AP2A2: variants seen among roughly 807,000 people sequenced by gnomAD.
AP2A2 encodes the protein AP-2 complex subunit alpha-2.
AP2A2 carries 32 observed loss-of-function variants against 104.2 expected under a neutral mutation model. The observed-to-expected ratio is 0.31, with a 90% CI of 0.23 to 0.41. AP2A2 has a LOEUF of 0.41. Ranked by LOEUF, AP2A2 falls within the 10% of genes least tolerant of loss-of-function variation. The probability of loss-of-function intolerance (pLI) is 1.00; values close to 1 mark genes in which losing one functional copy is unlikely to be tolerated. For missense variants in AP2A2, 912 were observed against 1,261.0 expected (o/e 0.72, Z 4.19); for synonymous variants, 539 against 533.3 (o/e 1.01, Z -0.15).
At chr11:985,113 A>T (rs1385362512) in intron 7 of AP2A2, among the ~76,000 whole-genome samples, 1 of 152,094 alleles carries the variant, frequency 6.6e-6, no homozygotes, top group Non-Finnish European at 1.5e-5. Context: ...CTTCCTGAGT[A>T]GCTGGGATTA....
At chr11:1,008,664 G>C (rs7395387) in intron 18 of AP2A2, 106,979 of 215,110 alleles carry the variant, frequency 0.5, 28,049 homozygotes, top group Admixed American at 0.64. Context: ...CTGGGTGTCT[G>C]CAAGGTTAGG....
rs574176028 is a variant in AP2A2 at position 941,625 on chromosome 11, T to C, written c.67+15537T>C. Among the ~76,000 whole-genome samples the C allele has an allele frequency of 1.2e-4, 18 of 151,962 alleles. 1 individual carries two copies. The East Asian group carries it at 3.5e-3, about 30-fold the overall frequency. Reference sequence around the variant, plus strand: ...TTTTTTGAGATGGAGTCTCACTCTGTTGCCCAGGCTGGAGTGCAGTGGCGT... The same window carrying C: ...TTTTTTGAGATGGAGTCTCACTCTGCTGCCCAGGCTGGAGTGCAGTGGCGT... On this transcript the variant is annotated intron_variant, in intron 1 of 21. Transcript: ENST00000448903.
At chr11:983,243 C>G (rs551292074) in intron 6 of AP2A2, among the ~76,000 whole-genome samples, 5 of 151,760 alleles carry the variant, frequency 3.3e-5, no homozygotes, top group Admixed American at 2.0e-4. Context: ...TGGTTGCGAA[C>G]TCCCGACCTC....
chr11:973,120 C>T (rs548228613), intron 4 of AP2A2, among the ~76,000 whole-genome samples: 1 of 152,350 alleles, frequency 6.6e-6, no homozygotes, highest in South Asian at 2.1e-4. Flanking sequence ...TGAGCTAGGC[C>T]TCAGGCCACG....
intron 14 of AP2A2, among the ~76,000 whole-genome samples, chr11:999,795 AGTTC>A (rs1336432376): frequency 9.6e-5 from 13 of 135,192 alleles, no homozygotes; most frequent in Non-Finnish European, 1.3e-4. Flanking sequence ...GCATGATCTT[AGTTC>A]TTTCTTTTTT....
chr11:1,004,993 C>T (rs1211463590), intron 16 of AP2A2, among the ~76,000 whole-genome samples: 4 of 152,108 alleles, frequency 2.6e-5, no homozygotes, highest in African/African-American at 4.8e-5. Flanking sequence ...GTACAGACCC[C>T]AGAGAATTGA....
intron 13 of AP2A2, 41 bp downstream of exon 13, chr11:994,026 T>C: frequency 3.7e-6 from 6 of 1,609,324 alleles, no homozygotes. Context: ...GGCTGAGGGT[T>C]GGAGGCCAGG....
At position 959,565 on chromosome 11, in the gene AP2A2, C is replaced by T. The variant is rs143918060; in HGVS notation, c.136+60C>T. On this transcript the variant is annotated intron_variant, in intron 2 of 21. Coordinates refer to ENST00000448903, the MANE Select transcript of AP2A2 (RefSeq NM_012305.4). ...GTTGTAAATTTTCTGTAGTAAGAAC[C>T]CAGTCTTTTAATACTGTCTTCTTTT... 8.7e-6 allele frequency: 10 copies of T among 1,153,734 alleles called. No homozygotes were observed. The East Asian group carries it at 2.1e-4, about 25-fold the overall frequency. 71.5% of individuals were successfully genotyped at this position (1,153,734 alleles called of 1,614,324 possible).
chr11:986,675 C>G (rs757362527), intron 8 of AP2A2, 110 bp from the exon 9 acceptor site: 2 of 1,323,754 alleles, frequency 1.5e-6, no homozygotes, highest in Non-Finnish European at 2.1e-6. Flanking sequence ...GCGGTGAGTG[C>G]CGTGTGACTT....
intron 1 of AP2A2, among the ~76,000 whole-genome samples, chr11:958,943 A>G (rs1470815429): frequency 6.6e-6 from 1 of 152,256 alleles, no homozygotes; most frequent in African/African-American, 2.4e-5. Flanking sequence ...TTGCGACTGC[A>G]GTTGATCGAG....
chr11:1,000,548 G>T lies in AP2A2; in HGVS notation c.2073G>T (p.Ser691=). 1.3e-6 allele frequency: 2 copies of T among 1,550,046 alleles called. No individual in the cohort carries two copies. The highest frequency in any genetic ancestry group is 4.8e-5 in the East Asian group (2 of 41,924). The change falls in exon 15 of 22, where the codon TCG becomes TCT. Residue 691 remains serine, a synonymous_variant. Transcript: ENST00000448903. ...TGCTCGTGGACGTGTTCTCAGACTCGGCCTCTGTGGTCGCGCCTCTCGCTC... is the reference window on the plus strand; with the variant it reads ...TGCTCGTGGACGTGTTCTCAGACTCTGCCTCTGTGGTCGCGCCTCTCGCTC... ...SGLLVDVFSD[S]ASVVAPLAPG... is the part of the protein sequence containing the mutation.
At chr11:975,693 C>T (rs1276887155) in intron 4 of AP2A2, among the ~76,000 whole-genome samples, 2 of 151,070 alleles carry the variant, frequency 1.3e-5, no homozygotes. Flanking sequence ...GTGGGGTCCT[C>T]GGTCTCCCTC....
intron 14 of AP2A2, among the ~76,000 whole-genome samples, chr11:995,823 A>C (rs551041093): frequency 2.4e-5 from 1 of 42,230 alleles, no homozygotes; most frequent in Non-Finnish European, 4.9e-5. Flanking sequence ...TGTTTGTGGC[A>C]CGCTGCTGTG....
intron 1 of AP2A2, among the ~76,000 whole-genome samples, chr11:926,973 T>C (rs1364682507): frequency 6.6e-6 from 1 of 152,236 alleles, no homozygotes; most frequent in East Asian, 1.9e-4. Flanking sequence ...AGAGGCCATC[T>C]CCTTATTTAA....
In AP2A2 at chr11:926,109, G is replaced by A. The variant is rs1488427864; in HGVS notation, c.67+21G>A. ...CAACTGTGAGTGGCGGGGGCGGCGTGGGGCCGGGGCCGGGGCCGCCGGCGG... is the reference window on the plus strand; with the variant it reads ...CAACTGTGAGTGGCGGGGGCGGCGTAGGGCCGGGGCCGGGGCCGCCGGCGG... On this transcript the variant is annotated intron_variant, in intron 1 of 21. Transcript: ENST00000448903. The A allele has an allele frequency of 2.4e-6, 3 of 1,256,444 alleles. No individual in the cohort carries two copies. In the Admixed American group the frequency reaches 1.2e-4, roughly 52 times the overall value. The allele number at this position is 1,256,444 out of a possible 1,614,324, so 77.8% of individuals were successfully genotyped here. A position where few individuals can be genotyped will look rare whatever the true frequency, so the allele number is the denominator to read the frequency against.
intron 18 of AP2A2, 122 bp downstream of exon 18, chr11:1,008,257 G>T: frequency 7.4e-7 from 1 of 1,345,716 alleles, no homozygotes; most frequent in Non-Finnish European, 9.8e-7. Flanking sequence ...GGTGCTCACG[G>T]TGCATGGATG....
chr11:981,311 C>T lies in AP2A2; in HGVS notation c.705+12C>T, dbSNP rs763658639. 7 of 1,587,776 alleles carry T rather than the reference C, an allele frequency of 4.4e-6. No homozygotes were observed. Among genetic ancestry groups the T allele is most frequent in the Admixed American group, 1.7e-5 (1 of 59,120 alleles). On this transcript the variant is annotated intron_variant, in intron 6 of 21. Coordinates refer to ENST00000448903, the MANE Select transcript of AP2A2 (RefSeq NM_012305.4). ...CTAGGCTAAGCAGAGTAAGTCTGTT[C>T]GTGGGGGAGCAGAAGTCAGGGTGGG...
intron 1 of AP2A2, 142 bp from the exon 2 acceptor site, chr11:959,295 G>A: frequency 1.9e-5 from 12 of 648,068 alleles, no homozygotes; most frequent in Non-Finnish European, 3.0e-5. Flanking sequence ...TGGGTTGGAG[G>A]CAGGTGTCTG....
At chr11:983,870 T>C (rs1258076149) in intron 6 of AP2A2, among the ~76,000 whole-genome samples, 1 of 152,198 alleles carries the variant, frequency 6.6e-6, no homozygotes, top group Non-Finnish European at 1.5e-5. Context: ...CTTTTCCTGC[T>C]TTGTGTTTGT....
Sources: gnomAD v4.1 joint callset for allele counts (sites outside exome capture counted in the v4.1 genomes callset) on GRCh38, gnomAD v4.1.1 for gene constraint, MANE v1.5 for transcripts, NCBI Gene and HGNC (gene_info 2026-07-23, HGNC 2026-07-21) for gene names.